PIK3R3: variants seen among roughly 807,000 people sequenced by gnomAD.
The protein encoded by PIK3R3 is phosphatidylinositol 3-kinase regulatory subunit gamma.
Under a neutral mutation model 62.9 loss-of-function variants are expected in PIK3R3, and 64 were observed. The ratio of observed to expected loss-of-function variants is 1.02; its 90% CI spans 0.83 to 1.25. The LOEUF (loss-of-function observed/expected upper bound fraction) is 1.25, where lower values mean the gene tolerates loss of function less well. PIK3R3 is among the 50% of genes most tolerant of loss of function. PIK3R3 has a pLI of 0.00. For missense variants in PIK3R3, 614 were observed against 561.6 expected (o/e 1.09, Z -0.94); for synonymous variants, 165 against 189.0 (o/e 0.87, Z 1.04).
chr1:46,103,186 T>C (rs1056410085), intron 1 of PIK3R3, among the ~76,000 whole-genome samples: 4 of 152,160 alleles, frequency 2.6e-5, no homozygotes, highest in African/African-American at 9.7e-5. Flanking sequence ...CGAGTCACTG[T>C]TTAATGGGTA....
the PIK3R3 span, among the ~76,000 whole-genome samples, chr1:46,165,471 A>T: frequency 6.6e-6 from 1 of 151,154 alleles, no homozygotes; most frequent in Non-Finnish European, 1.5e-5. Flanking sequence ...ATGCCTGGCT[A>T]ATTTTGTATT....
At position 46,040,750 on chromosome 1, in the gene PIK3R3, C is replaced by CA. The variant is rs1488755203; in HGVS notation, c.*2922dup. The CA allele has an allele frequency of 1.0e-5, 2 of 196,656 alleles. No individual in the cohort carries two copies. Among genetic ancestry groups the CA allele is most frequent in the East Asian group, 1.6e-4 (2 of 12,662 alleles). 12.2% of individuals were successfully genotyped at this position (196,656 alleles called of 1,614,324 possible). A position where few individuals can be genotyped will look rare whatever the true frequency, so the allele number is the denominator to read the frequency against. On this transcript the variant is annotated 3_prime_UTR_variant, in exon 10 of 10. Coordinates refer to ENST00000262741, the MANE Select transcript of PIK3R3 (RefSeq NM_003629.4). Reference sequence around the variant, plus strand: ...GACCCGTGGAAGACACATTGGCTCTCAAAGCTTCTTCAAAGCACATGAGGC... The same window carrying CA: ...GACCCGTGGAAGACACATTGGCTCTCAAAAGCTTCTTCAAAGCACATGAGGC...
At chr1:46,115,687 C>T (rs547137127) in intron 1 of PIK3R3, among the ~76,000 whole-genome samples, 1 of 152,342 alleles carries the variant, frequency 6.6e-6, no homozygotes, top group South Asian at 2.1e-4. Context: ...TGTCCTGCAA[C>T]AGGTCTGAAC....
intron 1 of PIK3R3, among the ~76,000 whole-genome samples, chr1:46,107,060 T>A (rs562048866): frequency 6.6e-6 from 1 of 152,258 alleles, no homozygotes; most frequent in Admixed American, 6.5e-5. Context: ...CGTGCCCGGC[T>A]GCCTTAGTCT....
chr1:46,051,462 T>C (rs1024233457), intron 7 of PIK3R3, among the ~76,000 whole-genome samples: 1 of 152,090 alleles, frequency 6.6e-6, no homozygotes, highest in South Asian at 2.1e-4. Flanking sequence ...GGTTTCACCA[T>C]GTTGGCCAGG....
chr1:46,055,788 T>C lies in PIK3R3; in HGVS notation c.941+7A>G, dbSNP rs1022490804. The C allele has an allele frequency of 1.3e-6, 2 of 1,573,136 alleles. No individual in the cohort carries two copies. The highest frequency in any genetic ancestry group is 1.7e-6 in the Non-Finnish European group (2 of 1,160,184). Reference sequence around the variant, plus strand: ...TCTCCCTCCCCATACACTCCCAGACTACTTACACAAGGTGTTGATCTCGGA... The same window carrying C: ...TCTCCCTCCCCATACACTCCCAGACCACTTACACAAGGTGTTGATCTCGGA... On this transcript the variant is annotated splice_region_variant and intron_variant, in intron 7 of 9. Coordinates refer to ENST00000262741, the MANE Select transcript of PIK3R3 (RefSeq NM_003629.4).
intron 1 of PIK3R3, among the ~76,000 whole-genome samples, chr1:46,097,380 C>T (rs1444988254): frequency 1.3e-5 from 2 of 151,338 alleles, no homozygotes; most frequent in Admixed American, 6.6e-5. Context: ...CCTGCCTCCA[C>T]AAAAAAATAA....
the PIK3R3 span, among the ~76,000 whole-genome samples, chr1:46,154,744 T>C: frequency 7.9e-5 from 12 of 152,238 alleles, no homozygotes; most frequent in African/African-American, 2.9e-4. Context: ...CTTCAGCCTT[T>C]TATCTGTCAG....
chr1:46,131,583 T>A (rs923457790), intron 1 of PIK3R3: 3 of 503,424 alleles, frequency 6.0e-6, no homozygotes, highest in Admixed American at 2.7e-5. Context: ...AAGTAAAAAA[T>A]AATGATAATT....
In PIK3R3 at chr1:46,129,401, T is replaced by TTTTTTTTAGTTATTTA. The variant is rs375178162; in HGVS notation, c.106+2445_106+2446insTAAATAACTAAAAAAA. Among the ~76,000 whole-genome samples the TTTTTTTTAGTTATTTA allele has an allele frequency of 2.1e-3, 283 of 131,666 alleles. 2 individuals carry two copies. The highest frequency in any genetic ancestry group is 4.0e-3 in the Middle Eastern group (1 of 248). 86.4% of individuals were successfully genotyped at this position (131,666 alleles called of 152,430 possible). On this transcript the variant is annotated intron_variant, in intron 1 of 9. Coordinates refer to ENST00000262741, the MANE Select transcript of PIK3R3 (RefSeq NM_003629.4). ...TATGAGAGGGTAAGCAATTGGGGGATTTTATTTATTTATTTATTTATTTAT... is the reference window on the plus strand; with the variant it reads ...TATGAGAGGGTAAGCAATTGGGGGATTTTTTTTAGTTATTTATTTATTTATTTATTTATTTATTTAT...
chr1:46,050,923 C>T (rs1056884393), intron 7 of PIK3R3, among the ~76,000 whole-genome samples: 1 of 152,110 alleles, frequency 6.6e-6, no homozygotes, highest in African/African-American at 2.4e-5. Context: ...AAACACCATG[C>T]TAAGTGAAAG....
the PIK3R3 span, among the ~76,000 whole-genome samples, chr1:46,148,966 A>G: frequency 2.0e-4 from 30 of 152,138 alleles, no homozygotes; most frequent in African/African-American, 7.0e-4. Flanking sequence ...TCATAGAATG[A>G]GACAGGAGGG....
chr1:46,172,440 T>C, the PIK3R3 span, among the ~76,000 whole-genome samples: 14 of 152,094 alleles, frequency 9.2e-5, no homozygotes, highest in Non-Finnish European at 1.9e-4. Context: ...TGCAGTGGCA[T>C]GATCTTGGCT....
intron 1 of PIK3R3, among the ~76,000 whole-genome samples, chr1:46,119,422 C>T (rs755069113): frequency 6.6e-6 from 1 of 152,100 alleles, no homozygotes; most frequent in African/African-American, 2.4e-5. Flanking sequence ...GAGGAAACCA[C>T]AACACAGAAA....
chr1:46,058,095 C>T (rs752580731), intron 6 of PIK3R3, among the ~76,000 whole-genome samples: 5 of 152,228 alleles, frequency 3.3e-5, no homozygotes, highest in Non-Finnish European at 7.3e-5. Context: ...GCCACTCCAG[C>T]CATGGCTGAA....
chr1:46,106,787 C>A (rs1653248875), intron 1 of PIK3R3, among the ~76,000 whole-genome samples: 1 of 151,440 alleles, frequency 6.6e-6, no homozygotes, highest in Non-Finnish European at 1.5e-5. Flanking sequence ...TCTTTTTTTT[C>A]TTTTTTTGAC....
In PIK3R3 at chr1:46,044,466, G is replaced by A. The variant is rs1571337637; in HGVS notation, c.1188-595C>T. Among the ~76,000 whole-genome samples the A allele has an allele frequency of 6.6e-6, 1 of 152,116 alleles. No individual in the cohort carries two copies. The highest frequency in any genetic ancestry group is 6.5e-5 in the Admixed American group (1 of 15,274). ...CCCAATAACCTGAGTGACAGTGAGC[G>A]ACTGGGCTTACTGCCTTCCTTCTTT... On this transcript the variant is annotated intron_variant, in intron 9 of 9. Transcript: ENST00000262741. This position sits in a 1 kb window ranked among gnomAD's most constrained non-coding sequence, Gnocchi z 4.2.
At position 46,044,076 on chromosome 1, in the gene PIK3R3, ATTTC is replaced by A. The variant is rs1041995422; in HGVS notation, c.1188-209_1188-206del. ...CAACCACAAATGTAAGGGTTTATTT[ATTTC>A]TTTTTTTTTTTTTTAGACAGGGTCT... On this transcript the variant is annotated intron_variant, in intron 9 of 9. Transcript: ENST00000262741. This position sits in a 1 kb window ranked among gnomAD's most constrained non-coding sequence, Gnocchi z 4.2. Among the ~76,000 whole-genome samples, 1 of 130,362 alleles carries A rather than the reference ATTTC, an allele frequency of 7.7e-6. No individual in the cohort carries two copies. Among genetic ancestry groups the A allele is most frequent in the African/African-American group, 2.9e-5 (1 of 34,894 alleles). 85.5% of individuals were successfully genotyped at this position (130,362 alleles called of 152,430 possible).
At chr1:46,046,354 T>C (rs573400986) in intron 8 of PIK3R3, among the ~76,000 whole-genome samples, 197 bp downstream of exon 8, 1 of 152,306 alleles carries the variant, frequency 6.6e-6, no homozygotes, top group South Asian at 2.1e-4. Flanking sequence ...CACATCCAGA[T>C]TTTGAGTTCA....
Sources: gnomAD v4.1 joint callset for allele counts (sites outside exome capture counted in the v4.1 genomes callset) on GRCh38, gnomAD v4.1.1 for gene constraint, Gnocchi (gnomAD v3.1) non-coding constraint, MANE v1.5 for transcripts, NCBI Gene and HGNC (gene_info 2026-07-23, HGNC 2026-07-21) for gene names.